Variants in RAB3GAP2 observed in about 807,000 individuals in gnomAD.
RAB3GAP2 encodes rab3 GTPase-activating protein non-catalytic subunit.
Under a neutral mutation model 185.3 loss-of-function variants are expected in RAB3GAP2, and 87 were observed. That is an observed-to-expected ratio of 0.47 (90% CI 0.39 to 0.56). The LOEUF is 0.56. Among genes scored for constraint, RAB3GAP2 ranks in the 20% least tolerant of loss-of-function variants. The probability of loss-of-function intolerance (pLI) is 0.00; values close to 1 mark genes in which losing one functional copy is unlikely to be tolerated. For synonymous variants in RAB3GAP2, 554 were observed against 576.1 expected, an observed-to-expected ratio of 0.96 and a Z score of 0.55; for missense variants, 1,492 against 1,638.2, an observed-to-expected ratio of 0.91 and a Z score of 1.54.
rs755157552 is a variant in RAB3GAP2, at chr1:220,193,357, G to A, written c.1153C>T (p.Arg385Cys). The change falls in exon 13 of 35, where the codon CGC (arginine) becomes TGC (cysteine). Residue 385 changes from arginine to cysteine, a missense_variant. This residue lies in a region of RAB3GAP2 where 243 missense variants were observed against 314.8 expected (regional missense o/e 0.77). Coordinates refer to ENST00000358951, the MANE Select transcript of RAB3GAP2 (RefSeq NM_012414.4). ...AVRFGLPDSR[R>C]HGESICLSPC... ...GACAGACATATGCTTTCACCATGGC[G>A]TCTAGAATCTGGAAGTCCAAATCTG... 5.6e-6 allele frequency: 9 copies of A among 1,613,816 alleles called. No individual in the cohort carries two copies. Among genetic ancestry groups the A allele is most frequent in the East Asian group, 2.2e-5 (1 of 44,834 alleles).
chr1:220,174,816 C>T (rs73098562), intron 21 of RAB3GAP2, among the ~76,000 whole-genome samples: 4,210 of 152,236 alleles, frequency 0.028, 125 homozygotes, highest in African/African-American at 0.074. Context: ...GAGTCACTGT[C>T]ACAACAATGG....
intron 2 of RAB3GAP2, among the ~76,000 whole-genome samples, chr1:220,226,720 T>C (rs1659409456): frequency 6.6e-6 from 1 of 152,214 alleles, no homozygotes; most frequent in South Asian, 2.1e-4. Context: ...CTTTTGTCAC[T>C]TGCCCAATTC....
In RAB3GAP2 at chr1:220,169,385, G is replaced by T. The variant is rs187103839; in HGVS notation, c.2806+1507C>A. Among the ~76,000 whole-genome samples the T allele has an allele frequency of 2.0e-3, 304 of 152,312 alleles. 1 individual carries two copies. The highest frequency in any genetic ancestry group is 7.1e-3 in the African/African-American group (297 of 41,572). ...TGATTCCAGGACAGTAGAAAGTGAT[G>T]CTTCACAACAGAGGAATAACGTTCT... On this transcript the variant is annotated intron_variant, in intron 24 of 34. Transcript: ENST00000358951.
At chr1:220,262,771 T>C (rs1043570050) in intron 1 of RAB3GAP2, among the ~76,000 whole-genome samples, 2 of 152,226 alleles carry the variant, frequency 1.3e-5, no homozygotes, top group African/African-American at 2.4e-5. Flanking sequence ...TCTATGAACA[T>C]GGGTGTGCAA....
intron 2 of RAB3GAP2, among the ~76,000 whole-genome samples, chr1:220,228,603 A>G (rs1392347918): frequency 1.3e-5 from 2 of 152,192 alleles, no homozygotes; most frequent in African/African-American, 4.8e-5. Flanking sequence ...CTCTTGAACA[A>G]CCAGGATAAC....
intron 2 of RAB3GAP2, among the ~76,000 whole-genome samples, chr1:220,214,946 T>TTATATATATATA (rs10526805): frequency 0.024 from 2,148 of 89,232 alleles, 96 homozygotes; most frequent in African/African-American, 0.042. Flanking sequence ...AATAGTAGCA[T>TTATATATATATA]TATATATATA....
chr1:220,157,710 C>A (rs1229847148), intron 30 of RAB3GAP2, 92 bp downstream of exon 30: 1 of 1,209,960 alleles, frequency 8.3e-7, no homozygotes, highest in East Asian at 2.5e-5. Flanking sequence ...TGAAAAACAA[C>A]CTCATTAAAA....
intron 1 of RAB3GAP2, chr1:220,253,782 G>A: frequency 6.2e-7 from 1 of 1,611,896 alleles, no homozygotes; most frequent in East Asian, 2.2e-5. Flanking sequence ...CCAATTTGCA[G>A]AAACAGCGAG....
At chr1:220,207,606 G>A (rs1377748568) in intron 7 of RAB3GAP2, 8 of 152,254 alleles carry the variant, frequency 5.3e-5, no homozygotes, top group Non-Finnish European at 1.2e-4. Flanking sequence ...AAGTTCACAA[G>A]ACTAAGCATG....
chr1:220,213,743 GGA>G (rs1553278905), intron 3 of RAB3GAP2, 111 bp downstream of exon 3: 417 of 970,464 alleles, frequency 4.3e-4, no homozygotes, highest in Admixed American at 1.1e-3. Flanking sequence ...GGGGGGGGGG[GGA>G]GAGAGAGAGA....
chr1:220,249,324 G>A (rs550106332), intron 1 of RAB3GAP2, among the ~76,000 whole-genome samples: 88 of 152,230 alleles, frequency 5.8e-4, no homozygotes, highest in African/African-American at 1.8e-3. Flanking sequence ...AGGTGTTCTC[G>A]GAAGGAGATG....
intron 1 of RAB3GAP2, among the ~76,000 whole-genome samples, chr1:220,249,163 A>G (rs988191152): frequency 6.6e-6 from 1 of 152,226 alleles, no homozygotes; most frequent in Admixed American, 6.5e-5. Flanking sequence ...GCTCAGAAGA[A>G]GACAGGAAAA....
chr1:220,188,669 C>T (rs1658550821), intron 17 of RAB3GAP2, among the ~76,000 whole-genome samples: 1 of 152,262 alleles, frequency 6.6e-6, no homozygotes, highest in South Asian at 2.1e-4. Flanking sequence ...AGCTCACACC[C>T]TAGCAATTCC....
At chr1:220,253,946 C>T (rs1659985992) in intron 1 of RAB3GAP2, 1 of 1,613,558 alleles carries the variant, frequency 6.2e-7, no homozygotes, top group Non-Finnish European at 8.5e-7. Flanking sequence ...GGTGGCAGTA[C>T]CAGTGAGACC....
intron 2 of RAB3GAP2, among the ~76,000 whole-genome samples, chr1:220,228,497 G>A (rs913141423): frequency 6.6e-6 from 1 of 152,178 alleles, no homozygotes; most frequent in African/African-American, 2.4e-5. Context: ...AGAGGTCACA[G>A]TCCTTACCCT....
chr1:220,245,574 G>A (rs2102898798), intron 1 of RAB3GAP2, among the ~76,000 whole-genome samples: 1 of 152,280 alleles, frequency 6.6e-6, no homozygotes, highest in South Asian at 2.1e-4. Flanking sequence ...ACTGCAAGGA[G>A]GCAGCGAGGC....
intron 2 of RAB3GAP2, among the ~76,000 whole-genome samples, chr1:220,214,312 G>A (rs1275716180): frequency 6.6e-6 from 1 of 152,202 alleles, no homozygotes; most frequent in Non-Finnish European, 1.5e-5. Flanking sequence ...AAGGACAGGA[G>A]GTCAGGAGTT....
At position 220,191,207 on chromosome 1, in the gene RAB3GAP2, A is replaced by C; in HGVS notation, c.1348T>G (p.Ser450Ala). The change falls in exon 14 of 35, where the codon TCC becomes GCC. Residue 450 changes from serine (S) to alanine (A), a missense_variant. This residue lies in a region of RAB3GAP2 where 681 missense variants were observed against 689.1 expected (regional missense o/e 0.99). Transcript: ENST00000358951. ...GGACCCTGAGAATTTCCAAAGGGGGAAAAATCTGCCTTTTCTGGCACTCTT... is the reference window on the plus strand; with the variant it reads ...GGACCCTGAGAATTTCCAAAGGGGGCAAAATCTGCCTTTTCTGGCACTCTT... ...HERVPEKADF[S>A]PFGNSQGPSR... The C allele has an allele frequency of 1.9e-6, 3 of 1,613,908 alleles. No homozygotes were observed. Among genetic ancestry groups the C allele is most frequent in the Non-Finnish European group, 1.7e-6 (2 of 1,179,942 alleles).
chr1:220,272,191 G>A lies in RAB3GAP2; in HGVS notation c.115+32C>T, dbSNP rs1317420666. On this transcript the variant is annotated intron_variant, in intron 1 of 34. Transcript: ENST00000358951. ...GTGAGCAGAGGCCGCGGGTGACGAG[G>A]GAAGGAAGGGCGAGGCCAGAGAGGC... The A allele has an allele frequency of 7.8e-6, 12 of 1,548,330 alleles. 1 individual carries two copies. In the South Asian group the frequency reaches 1.2e-4, roughly 15 times the overall value.
Sources: allele counts gnomAD v4.1 joint callset (sites outside exome capture counted in the v4.1 genomes callset), GRCh38; gene constraint gnomAD v4.1.1; regional missense constraint gnomAD v4.1.1; transcripts MANE v1.5; gene names NCBI Gene and HGNC (gene_info 2026-07-23, HGNC 2026-07-21).